The following PARD3 variants were observed in gnomAD, a reference collection of about 807,000 sequenced individuals.
PARD3 encodes the protein partitioning defective 3 homolog.
Under a neutral mutation model 155.4 loss-of-function variants are expected in PARD3, and 75 were observed. The ratio of observed to expected loss-of-function variants is 0.48; its 90% confidence interval spans 0.40 to 0.58. The LOEUF is 0.58. Among genes scored for constraint, PARD3 ranks in the 20% least tolerant of loss-of-function variants. The probability of loss-of-function intolerance (pLI) is 0.00; values close to 1 mark genes in which losing one functional copy is unlikely to be tolerated. For synonymous variants in PARD3, 576 were observed against 610.5 expected (o/e 0.94, Z 0.83); for missense variants, 1,642 against 1,721.7 (o/e 0.95, Z 0.82).
intron 5 of PARD3, among the ~76,000 whole-genome samples, chr10:34,407,583 T>C (rs943727986): frequency 5.3e-5 from 8 of 152,190 alleles, no homozygotes; most frequent in Non-Finnish European, 1.2e-4. Context: ...CAGTGGTTAC[T>C]TTTGCCTAAA....
intron 2 of PARD3, among the ~76,000 whole-genome samples, chr10:34,518,006 G>C (rs1038496855): frequency 6.6e-6 from 1 of 152,188 alleles, no homozygotes; most frequent in South Asian, 2.1e-4. Flanking sequence ...AGCCTCCCAA[G>C]TAGCGGGGAT....
At chr10:34,528,082 G>T (rs2082599706) in intron 2 of PARD3, among the ~76,000 whole-genome samples, 1 of 152,078 alleles carries the variant, frequency 6.6e-6, no homozygotes, top group African/African-American at 2.4e-5. Flanking sequence ...ACTGAACACA[G>T]AATAAATATT....
At chr10:34,524,088 C>G (rs1183319320) in intron 2 of PARD3, among the ~76,000 whole-genome samples, 1 of 152,024 alleles carries the variant, frequency 6.6e-6, no homozygotes, top group African/African-American at 2.4e-5. Flanking sequence ...AAAAGAAAAA[C>G]TAACCAAACA....
chr10:34,196,568 CTTTTTTTTTTTTTTT>C (rs71523319), intron 22 of PARD3, among the ~76,000 whole-genome samples: 1 of 97,422 alleles, frequency 1.0e-5, no homozygotes, highest in Admixed American at 1.2e-4. Flanking sequence ...GTACCCTTTT[CTTTTTTTTTTTTTTT>C]TTTTTTTTGA....
At chr10:34,226,623 G>A in intron 22 of PARD3, among the ~76,000 whole-genome samples, 1 of 152,202 alleles carries the variant, frequency 6.6e-6, no homozygotes, top group East Asian at 1.9e-4. Flanking sequence ...CATTGCTGGT[G>A]GGAATGTAAA....
chr10:34,568,157 G>A (rs1175878123), intron 2 of PARD3, among the ~76,000 whole-genome samples: 1 of 152,156 alleles, frequency 6.6e-6, no homozygotes, highest in East Asian at 1.9e-4. Context: ...AGTGAAAAGG[G>A]AATGAGTTTT....
chr10:34,474,355 C>G (rs1457591106), intron 3 of PARD3, among the ~76,000 whole-genome samples: 2 of 152,172 alleles, frequency 1.3e-5, no homozygotes, highest in Admixed American at 6.5e-5. Context: ...ACAATTTAGA[C>G]TCAGCAAGAC....
chr10:34,470,740 TA>T (rs1234363004), intron 3 of PARD3, among the ~76,000 whole-genome samples: 1 of 152,208 alleles, frequency 6.6e-6, no homozygotes, highest in East Asian at 1.9e-4. Context: ...ATATATCATT[TA>T]AAAAATAATG....
chr10:34,590,944 C>T (rs1337855130), intron 2 of PARD3, among the ~76,000 whole-genome samples: 1 of 152,192 alleles, frequency 6.6e-6, no homozygotes, highest in Non-Finnish European at 1.5e-5. Context: ...ACTCCCCCGC[C>T]TTTCCTTCCT....
intron 12 of PARD3, among the ~76,000 whole-genome samples, chr10:34,369,534 C>T (rs951917536): frequency 8.6e-5 from 13 of 152,038 alleles, no homozygotes; most frequent in Admixed American, 2.6e-4. Context: ...AAATGCCAGT[C>T]ATAGATAGGA....
At chr10:34,785,756 TG>T (rs1198531987) in intron 1 of PARD3, among the ~76,000 whole-genome samples, 4 of 152,144 alleles carry the variant, frequency 2.6e-5, no homozygotes, top group Admixed American at 2.6e-4. Context: ...TTATAAGACA[TG>T]GGCGGACCGT....
intron 12 of PARD3, among the ~76,000 whole-genome samples, chr10:34,362,902 A>C (rs1201518468): frequency 1.3e-5 from 2 of 152,266 alleles, no homozygotes; most frequent in South Asian, 4.1e-4. Flanking sequence ...ATACAAAACA[A>C]CATCAATACA....
chr10:34,716,586 T>TTTA (rs1491302125), intron 1 of PARD3, among the ~76,000 whole-genome samples: 1 of 55,306 alleles, frequency 1.8e-5, no homozygotes, highest in Non-Finnish European at 2.8e-5. Flanking sequence ...ATGGCTTTTC[T>TTTA]TTTTTTTTTT....
intron 5 of PARD3, among the ~76,000 whole-genome samples, chr10:34,450,088 G>A (rs562599054): frequency 2.6e-5 from 4 of 152,272 alleles, no homozygotes; most frequent in African/African-American, 4.8e-5. Flanking sequence ...CCTTCAGAAT[G>A]TACTGCAAAT....
Position 34,775,788 on chromosome 10 carries a change from T to C in PARD3, c.120+39088A>G, listed in dbSNP as rs557868809. ...CACACAAATTTGTACAGAATCAAGATGTAAAGAGAAATCTGTAGGTATTAT... is the reference window on the plus strand; with the variant it reads ...CACACAAATTTGTACAGAATCAAGACGTAAAGAGAAATCTGTAGGTATTAT... On this transcript the variant is annotated intron_variant, in intron 1 of 24. Coordinates refer to ENST00000374788, the MANE Select transcript of PARD3 (RefSeq NM_001184785.2). 9.4e-4 allele frequency among the ~76,000 whole-genome samples: 143 copies of C among 152,286 alleles called. 1 individual carries two copies. Among genetic ancestry groups the C allele is most frequent in the Non-Finnish European group, 1.4e-3 (96 of 68,022 alleles).
intron 22 of PARD3, among the ~76,000 whole-genome samples, chr10:34,229,913 T>C (rs961020197): frequency 5.3e-5 from 8 of 152,110 alleles, no homozygotes; most frequent in Non-Finnish European, 1.0e-4. Context: ...TACATAAAAG[T>C]CTTAAGTGAG....
intron 15 of PARD3, chr10:34,345,216 T>C (rs935526071): frequency 1.0e-6 from 1 of 984,058 alleles, no homozygotes. Context: ...AATGGGAAAG[T>C]GTGACTGATG....
intron 12 of PARD3, among the ~76,000 whole-genome samples, chr10:34,368,658 C>T (rs1238060893): frequency 1.3e-5 from 2 of 151,164 alleles, no homozygotes; most frequent in South Asian, 2.1e-4. Context: ...GAAGACAGAG[C>T]GAGACTCCAT....
At chr10:34,339,137 T>C (rs1316159805) in intron 16 of PARD3, among the ~76,000 whole-genome samples, 1 of 152,172 alleles carries the variant, frequency 6.6e-6, no homozygotes, top group African/African-American at 2.4e-5. Context: ...CTAAATAATA[T>C]ATTTCCAATA....
Sources: allele counts gnomAD v4.1 joint callset (sites outside exome capture counted in the v4.1 genomes callset), GRCh38; gene constraint gnomAD v4.1.1; transcripts MANE v1.5; gene names NCBI Gene and HGNC (gene_info 2026-07-23, HGNC 2026-07-21).